GTSE1: variants seen among roughly 807,000 people sequenced by gnomAD.
GTSE1 encodes G2 and S phase-expressed protein 1.
A neutral mutation model predicts 60.5 loss-of-function variants in GTSE1; 52 were observed. The observed-to-expected ratio is 0.86, with a 90% CI of 0.69 to 1.08. The LOEUF (loss-of-function observed/expected upper bound fraction) is 1.08. Ranked by LOEUF, GTSE1 falls within the 50% of genes least tolerant of loss-of-function variation. The pLI is 0.00. For synonymous variants in GTSE1, 368 were observed against 386.5 expected, an observed-to-expected ratio of 0.95 and a Z score of 0.56; for missense variants, 937 against 961.8, an observed-to-expected ratio of 0.97 and a Z score of 0.34.
intron 4 of GTSE1, 29 bp downstream of exon 4, chr22:46,308,972 G>C: frequency 6.3e-7 from 1 of 1,580,358 alleles, no homozygotes; most frequent in Non-Finnish European, 8.6e-7. Context: ...CGCCTGCCTG[G>C]GGAGCCCCCA....
chr22:46,302,007 C>T (rs1386264767), intron 2 of GTSE1, among the ~76,000 whole-genome samples: 2 of 152,138 alleles, frequency 1.3e-5, no homozygotes, highest in Non-Finnish European at 2.9e-5. Flanking sequence ...TCATACTGAT[C>T]CCAGCTACTT....
Position 46,330,107 on chromosome 22 carries a change from G to A in GTSE1, c.2197G>A (p.Asp733Asn). The change falls in exon 12 of 12, where the codon GAT becomes AAT. Residue 733 changes from aspartate (D) to asparagine (N), a missense_variant. By Grantham distance (23) the Asp-to-Asn change is conservative (BLOSUM62 1). Coordinates refer to ENST00000454366, the MANE Select transcript of GTSE1 (RefSeq NM_016426.7). This position sits in a 1 kb window ranked among gnomAD's most constrained non-coding sequence, Gnocchi z 6.0. ...LSPEADKENV[D>N]SPLLKF Reference sequence around the variant, plus strand: ...CCCTGAGGCTGACAAGGAGAACGTGGATTCCCCACTCCTCAAGTTCTAAGC... The same window carrying A: ...CCCTGAGGCTGACAAGGAGAACGTGAATTCCCCACTCCTCAAGTTCTAAGC... The A allele has an allele frequency of 6.2e-7, 1 of 1,606,836 alleles. No homozygotes were observed. The highest frequency in any genetic ancestry group is 8.5e-7 in the Non-Finnish European group (1 of 1,173,284).
Position 46,316,363 on chromosome 22 carries a change from G to A in GTSE1, c.1383G>A (p.Lys461=), listed in dbSNP as rs768878580. ...RRDSCLNSKT[K]VMPTPTNQFK... is the part of the protein sequence containing the mutation. The stretch of plus-strand genomic sequence containing the variant: ...ATTCCTGTCTAAATTCCAAGACAAA[G>A]GTTATGCCTACTCCTACAAATCAAT... The change falls in exon 7 of 12, where the codon AAG becomes AAA. Residue 461 remains lysine (K), a synonymous_variant. Transcript: ENST00000454366. The surrounding 1 kb of genome is among the most constrained non-coding windows in gnomAD (Gnocchi z 5.0). The A allele has an allele frequency of 4.4e-6, 7 of 1,608,462 alleles. No homozygotes were observed. The highest frequency in any genetic ancestry group is 6.0e-6 in the Non-Finnish European group (7 of 1,175,196).
In GTSE1 at chr22:46,297,567, C is replaced by T. The variant is rs532758287; in HGVS notation, c.79+88C>T. 2.0e-5 allele frequency: 19 copies of T among 934,728 alleles called. No individual in the cohort carries two copies. In the East Asian group the frequency reaches 4.0e-4, roughly 20 times the overall value. The allele number at this position is 934,728 out of a possible 1,614,324, so 57.9% of individuals were successfully genotyped here. ...TTAATGTTTCCCTGAGAAATTCTTT[C>T]TCAAGTGCTCGACTTGTACTCTGCA... On this transcript the variant is annotated intron_variant, in intron 2 of 11. Transcript: ENST00000454366. This position sits in a 1 kb window ranked among gnomAD's most constrained non-coding sequence, Gnocchi z 4.9.
intron 8 of GTSE1, among the ~76,000 whole-genome samples, chr22:46,326,226 C>T (rs558273947): frequency 4.6e-5 from 7 of 152,354 alleles, no homozygotes; most frequent in South Asian, 2.1e-4. Flanking sequence ...ACTGGGAGCC[C>T]GAAGCCCACG....
At position 46,308,804 on chromosome 22, in the gene GTSE1, C is replaced by T. The variant is rs940117756; in HGVS notation, c.623C>T (p.Ser208Phe). ...RLTRAPGPPH[S>F]AHALPRESCT... ...ACCCGGGCGCCGGGGCCTCCGCACT[C>T]TGCTCATGCTTTGCCCAGGGAATCA... is the stretch of plus-strand genomic sequence containing the variant. Residue 208 changes from serine (S) to phenylalanine (F), a missense_variant, in exon 4 of 12, where the codon TCT (serine) becomes TTT (phenylalanine). Ser to Phe is a radical substitution (Grantham distance 155, BLOSUM62 -2). Coordinates refer to ENST00000454366, the MANE Select transcript of GTSE1 (RefSeq NM_016426.7). The T allele has an allele frequency of 1.2e-6, 2 of 1,613,268 alleles. No homozygotes were observed. The highest frequency in any genetic ancestry group is 8.5e-7 in the Non-Finnish European group (1 of 1,180,006).
chr22:46,316,344 G>C lies in GTSE1; in HGVS notation c.1364G>C (p.Cys455Ser), dbSNP rs1260976540. ...KTRSIRRRDS[C>S]LNSKTKVMPT... ...AGAAGTATCAGACGGCGAGATTCCT[G>C]TCTAAATTCCAAGACAAAGGTTATG... The change falls in exon 7 of 12, where the codon TGT (cysteine) becomes TCT (serine). Residue 455 changes from cysteine (C) to serine (S), a missense_variant. Physicochemically the swap from Cys to Ser is moderately radical, Grantham distance 112 (BLOSUM62 -1). Transcript: ENST00000454366. This position sits in a 1 kb window ranked among gnomAD's most constrained non-coding sequence, Gnocchi z 5.0. 5 of 1,612,894 alleles carry C rather than the reference G, an allele frequency of 3.1e-6. No individual in the cohort carries two copies. The Admixed American group carries it at 8.3e-5, about 27-fold the overall frequency.
rs1220774569 is a variant in GTSE1 at position 46,320,513 on chromosome 22, T to G, written c.1433-2677T>G. 1.3e-5 allele frequency among the ~76,000 whole-genome samples: 2 copies of G among 152,068 alleles called. No individual in the cohort carries two copies. The highest frequency in any genetic ancestry group is 3.9e-4 in the East Asian group (2 of 5,170). The stretch of plus-strand genomic sequence containing the variant: ...TTTTTGGCTGAGAGCACTGGTGGTG[T>G]TGCTCATTGGCTGTGACACCAGCTG... On this transcript the variant is annotated intron_variant, in intron 7 of 11. Transcript: ENST00000454366. The surrounding 1 kb of genome is among the most constrained non-coding windows in gnomAD (Gnocchi z 7.1).
chr22:46,323,235 G>A lies in GTSE1; in HGVS notation c.1478G>A (p.Arg493Gln), dbSNP rs201709046. ...SSTPKLSRAQ[R>Q]PQSCTSVGRV... is the part of the protein sequence containing the mutation. ...ACACCAAAGCTTTCGCGGGCACAGC[G>A]GCCGCAGTCGTGCACGTCAGTTGGC... Residue 493 changes from arginine (R) to glutamine (Q), a missense_variant, in exon 8 of 12, where the codon CGG becomes CAG. Arg to Gln is a conservative substitution (Grantham distance 43). Coordinates refer to ENST00000454366, the MANE Select transcript of GTSE1 (RefSeq NM_016426.7). 1.1e-4 allele frequency: 183 copies of A among 1,613,762 alleles called. No homozygotes were observed. Among genetic ancestry groups the A allele is most frequent in the Admixed American group, 4.7e-4 (28 of 60,008 alleles).
chr22:46,308,285 T>G (rs746082376), intron 3 of GTSE1, 34 bp from the exon 4 acceptor site: 2 of 1,609,228 alleles, frequency 1.2e-6, no homozygotes, highest in Non-Finnish European at 1.7e-6. Context: ...GCCAGTGTTA[T>G]GAGTTATTAA....
chr22:46,323,117 G>A (rs1202547314), intron 7 of GTSE1, 73 bp from the exon 8 acceptor site: 12 of 960,782 alleles, frequency 1.2e-5, no homozygotes, highest in South Asian at 2.6e-5. Flanking sequence ...TTGCCCATTC[G>A]GTGACGATCC....
In GTSE1 at chr22:46,328,749, G is replaced by T; in HGVS notation, c.1786G>T (p.Asp596Tyr). 6.2e-7 allele frequency: 1 copy of T among 1,613,946 alleles called. No individual in the cohort carries two copies. Among genetic ancestry groups the T allele is most frequent in the South Asian group, 1.1e-5 (1 of 91,080 alleles). ...TTCCAGGCTGGTGGATGTGTCCCCT[G>T]ACAGGGGTTCTCCTCCTTCCCGTGT... The part of the protein sequence containing the change: ...TDSRLVDVSP[D>Y]RGSPPSRVPQ... The change falls in exon 10 of 12, where the codon GAC (aspartate) becomes TAC (tyrosine). Residue 596 changes from aspartate to tyrosine, a missense_variant. By Grantham distance (160) the Asp-to-Tyr change is radical. Coordinates refer to ENST00000454366, the MANE Select transcript of GTSE1 (RefSeq NM_016426.7).
rs922083782 is a variant in GTSE1, at chr22:46,319,728, G to A, written c.1432+3316G>A. Reference sequence around the variant, plus strand: ...GAGCTGGGCACGGTGGCTAACTCCTGTAATCCTAGCACTTTGGGAGGCCGA... The same window carrying A: ...GAGCTGGGCACGGTGGCTAACTCCTATAATCCTAGCACTTTGGGAGGCCGA... On this transcript the variant is annotated intron_variant, in intron 7 of 11. Coordinates refer to ENST00000454366, the MANE Select transcript of GTSE1 (RefSeq NM_016426.7). The surrounding 1 kb of genome is among the most constrained non-coding windows in gnomAD (Gnocchi z 5.0). Among the ~76,000 whole-genome samples the A allele has an allele frequency of 2.6e-5, 4 of 152,150 alleles. No individual in the cohort carries two copies. The highest frequency in any genetic ancestry group is 4.4e-5 in the Non-Finnish European group (3 of 68,020).
chr22:46,322,168 C>A (rs567389360), intron 7 of GTSE1, among the ~76,000 whole-genome samples: 1 of 150,730 alleles, frequency 6.6e-6, no homozygotes, highest in Admixed American at 6.6e-5. Flanking sequence ...GGGGCAGGGA[C>A]GTGGGACAGG....
At position 46,326,308 on chromosome 22, in the gene GTSE1, G is replaced by A. The variant is rs983042429; in HGVS notation, c.1506-128G>A. ...TGTCCCAGGAGAGCGGAGCTCACAC[G>A]GGCTCCCTGGCTTGGCTCTTCTGGG... is the stretch of plus-strand genomic sequence containing the variant. On this transcript the variant is annotated intron_variant, in intron 8 of 11. Coordinates refer to ENST00000454366, the MANE Select transcript of GTSE1 (RefSeq NM_016426.7). The A allele has an allele frequency of 4.2e-5, 30 of 707,040 alleles. No homozygotes were observed. The South Asian group carries it at 5.2e-4, about 12-fold the overall frequency. 43.8% of individuals were successfully genotyped at this position (707,040 alleles called of 1,614,324 possible).
chr22:46,302,518 C>T (rs1265798732), intron 2 of GTSE1, among the ~76,000 whole-genome samples: 3 of 151,972 alleles, frequency 2.0e-5, no homozygotes, highest in African/African-American at 4.8e-5. Flanking sequence ...GAGACTACCA[C>T]GCCTAGCTAA....
rs2077834399 is a variant in GTSE1 at position 46,324,751 on chromosome 22, G to A, written c.1505+1489G>A. On this transcript the variant is annotated intron_variant, in intron 8 of 11. Transcript: ENST00000454366. This position sits in a 1 kb window ranked among gnomAD's most constrained non-coding sequence, Gnocchi z 5.2. ...GGAGGGTGGGGAATCCTAGAACTTC[G>A]CGGAGAGCAGCAGCTGGGGTTGACA... Among the ~76,000 whole-genome samples, 1 of 152,164 alleles carries A rather than the reference G, an allele frequency of 6.6e-6. No individual in the cohort carries two copies. The highest frequency in any genetic ancestry group is 2.1e-4 in the South Asian group (1 of 4,832).
chr22:46,316,327 C>T lies in GTSE1; in HGVS notation c.1347C>T (p.Ile449=), dbSNP rs779187308. 3.1e-6 allele frequency: 5 copies of T among 1,613,310 alleles called. No individual in the cohort carries two copies. The highest frequency in any genetic ancestry group is 2.2e-5 in the East Asian group (1 of 44,888). ...CTCAATTGAATAAGACTAGAAGTAT[C>T]AGACGGCGAGATTCCTGTCTAAATT... ...ESSQLNKTRS[I]RRRDSCLNSK... is the part of the protein sequence containing the mutation. Residue 449 remains isoleucine, a synonymous_variant, in exon 7 of 12, where the codon ATC becomes ATT. Coordinates refer to ENST00000454366, the MANE Select transcript of GTSE1 (RefSeq NM_016426.7). The surrounding 1 kb of genome is among the most constrained non-coding windows in gnomAD (Gnocchi z 5.0).
At position 46,297,508 on chromosome 22, in the gene GTSE1, T is replaced by C; in HGVS notation, c.79+29T>C. ...AGTCCTTGCTGCTGCGGCGCTGTTG[T>C]TGTTCAGGATGTTCAGTAGAGATGG... On this transcript the variant is annotated intron_variant, in intron 2 of 11. Transcript: ENST00000454366. This position sits in a 1 kb window ranked among gnomAD's most constrained non-coding sequence, Gnocchi z 4.9. The C allele has an allele frequency of 6.7e-7, 1 of 1,490,716 alleles. No individual in the cohort carries two copies. Among genetic ancestry groups the C allele is most frequent in the South Asian group, 1.1e-5 (1 of 88,310 alleles). The allele number at this position is 1,490,716 out of a possible 1,614,324, so 92.3% of individuals were successfully genotyped here.
Sources: allele counts gnomAD v4.1 joint callset (sites outside exome capture counted in the v4.1 genomes callset), GRCh38; gene constraint gnomAD v4.1.1; non-coding constraint Gnocchi (gnomAD v3.1); transcripts MANE v1.5; gene names NCBI Gene and HGNC (gene_info 2026-07-23, HGNC 2026-07-21).